Variants in ABCC9 observed in about 807,000 individuals in gnomAD.
The protein encoded by ABCC9 is ATP binding cassette subfamily C member 9.
In ABCC9, 95 loss-of-function variants were observed where a neutral mutation model predicts 188.3. The observed-to-expected ratio is 0.50, with a 90% CI of 0.43 to 0.60. The LOEUF (loss-of-function observed/expected upper bound fraction) is 0.60, where lower values mean the gene tolerates loss of function less well. ABCC9 is among the 20% of genes least tolerant of loss of function. The pLI is 0.00. For synonymous variants in ABCC9, 659 were observed against 652.7 expected (o/e 1.01, Z -0.15); for missense variants, 1,102 against 1,876.3 (o/e 0.59, Z 7.62).
At chr12:21,833,098 A>G (rs1271861629) in intron 30 of ABCC9, among the ~76,000 whole-genome samples, 4 of 152,130 alleles carry the variant, frequency 2.6e-5, no homozygotes, top group African/African-American at 7.2e-5. Context: ...TAAGAATGAT[A>G]TGATAGACTC....
At chr12:21,920,655 C>A (rs1948777369) in intron 5 of ABCC9, among the ~76,000 whole-genome samples, 1 of 151,898 alleles carries the variant, frequency 6.6e-6, no homozygotes, top group South Asian at 2.1e-4. Context: ...AATACTAGGT[C>A]TTATTCATTT....
intron 14 of ABCC9, among the ~76,000 whole-genome samples, chr12:21,889,384 T>A (rs1321348785): frequency 6.6e-6 from 1 of 152,212 alleles, no homozygotes; most frequent in Non-Finnish European, 1.5e-5. Context: ...CTTCTTCACT[T>A]TTACAGATTG....
intron 4 of ABCC9, among the ~76,000 whole-genome samples, chr12:21,926,622 G>A (rs138593493): frequency 3.2e-4 from 49 of 152,262 alleles, no homozygotes; most frequent in African/African-American, 1.1e-3. Context: ...ACAGCTGAAG[G>A]GACAGTGTGA....
In ABCC9 at chr12:21,817,158, A is replaced by G. The variant is rs569213657; in HGVS notation, c.3892+29T>C. ...AATATTTGTTTAAAATAAATATTTA[A>G]GTGAGACAAACAATATTTAGAGCAA... is the stretch of plus-strand genomic sequence containing the variant. On this transcript the variant is annotated intron_variant, in intron 33 of 39. Coordinates refer to ENST00000261200, the MANE Select transcript of ABCC9 (RefSeq NM_020297.4). 6 of 1,607,616 alleles carry G rather than the reference A, an allele frequency of 3.7e-6. No individual in the cohort carries two copies. The South Asian group carries it at 4.4e-5, about 12-fold the overall frequency.
intron 39 of ABCC9, chr12:21,805,082 T>A: frequency 3.8e-6 from 6 of 1,580,618 alleles, no homozygotes. Flanking sequence ...AGCCCTTCCC[T>A]TTATTCACAG....
At chr12:21,911,439 G>T (rs979487857) in intron 8 of ABCC9, among the ~76,000 whole-genome samples, 3 of 151,776 alleles carry the variant, frequency 2.0e-5, no homozygotes, top group Non-Finnish European at 4.4e-5. Context: ...ATGCTAATAA[G>T]ATAAATAATA....
At chr12:21,859,363 C>T (rs1333313448) in intron 22 of ABCC9, among the ~76,000 whole-genome samples, 2 of 152,140 alleles carry the variant, frequency 1.3e-5, no homozygotes. Context: ...CTTAGGGCAT[C>T]TAAGTCTCTT....
rs1942484480 is a variant in ABCC9 at position 21,814,650 on chromosome 12, A to C, written c.4096T>G (p.Phe1366Val). The C allele has an allele frequency of 6.2e-7, 1 of 1,613,904 alleles. No individual in the cohort carries two copies. Among genetic ancestry groups the C allele is most frequent in the Admixed American group, 1.7e-5 (1 of 59,978 alleles). ...AATTTAGTTAGCAACTCACCATCAA[A>C]TATATCAACCATTCTGAAGAAAGCC... is the stretch of plus-strand genomic sequence containing the variant. ...SLAFFRMVDI[F>V]DGKIVIDGID... Residue 1366 changes from phenylalanine to valine, a missense_variant, in exon 35 of 40, where the codon TTT becomes GTT. Physicochemically the swap from Phe to Val is conservative, Grantham distance 50 (BLOSUM62 -1). Transcript: ENST00000261200.
At chr12:21,816,442 G>A (rs1405854288) in intron 33 of ABCC9, among the ~76,000 whole-genome samples, 2 of 152,104 alleles carry the variant, frequency 1.3e-5, no homozygotes, top group African/African-American at 4.8e-5. Flanking sequence ...TGGGAGCATG[G>A]ATGGTGCTAA....
At chr12:21,849,979 T>G (rs574367685) in intron 24 of ABCC9, among the ~76,000 whole-genome samples, 2 of 152,162 alleles carry the variant, frequency 1.3e-5, no homozygotes, top group East Asian at 3.9e-4. Flanking sequence ...ACAGCTCTTT[T>G]TCAAGCACTG....
At chr12:21,915,514 A>ATATATAT in intron 7 of ABCC9, among the ~76,000 whole-genome samples, 154 bp downstream of exon 7, 1 of 3,522 alleles carries the variant, frequency 2.8e-4, no homozygotes, top group Non-Finnish European at 4.7e-4. Context: ...ATATATATAT[A>ATATATAT]TTTTTTTTTT....
chr12:21,915,297 T>C (rs1948511660), intron 7 of ABCC9, among the ~76,000 whole-genome samples: 2 of 124,114 alleles, frequency 1.6e-5, no homozygotes, highest in African/African-American at 3.0e-5. Context: ...TATATATACA[T>C]GTGTATATAT....
intron 5 of ABCC9, among the ~76,000 whole-genome samples, chr12:21,920,576 T>C (rs1322147758): frequency 6.6e-6 from 1 of 152,082 alleles, no homozygotes; most frequent in African/African-American, 2.4e-5. Context: ...AATCCAATTG[T>C]ACTCTTTAAT....
At chr12:21,829,192 T>C (rs12824272) in intron 30 of ABCC9, 132 bp from the exon 31 acceptor site, 2 of 149,702 alleles carry the variant, frequency 1.3e-5, no homozygotes, top group African/African-American at 7.5e-5. Flanking sequence ...AATAGATTTC[T>C]TTTTTTTTTT....
intron 4 of ABCC9, among the ~76,000 whole-genome samples, chr12:21,931,470 AC>A (rs941664937): frequency 6.6e-6 from 1 of 152,060 alleles, no homozygotes; most frequent in African/African-American, 2.4e-5. Context: ...AGAAGTCTAT[AC>A]CTAAAGAGTA....
chr12:21,910,020 C>T, intron 10 of ABCC9, 137 bp downstream of exon 10: 1 of 833,954 alleles, frequency 1.2e-6, no homozygotes, highest in Admixed American at 2.4e-5. Context: ...TTCTGAGTCC[C>T]AGCTTCCTTT....
At chr12:21,803,656 CAAAA>C (rs3061809) in intron 39 of ABCC9, among the ~76,000 whole-genome samples, 26 of 84,610 alleles carry the variant, frequency 3.1e-4, no homozygotes, top group South Asian at 9.8e-4. Flanking sequence ...ACTCTGTCTC[CAAAA>C]AAAAAAAAAA....
At chr12:21,923,791 A>C (rs1043044569) in intron 5 of ABCC9, 4 of 698,230 alleles carry the variant, frequency 5.7e-6, no homozygotes, top group Non-Finnish European at 1.0e-5. Context: ...AGGAGAAATA[A>C]ATGCATATAG....
intron 34 of ABCC9, 129 bp downstream of exon 34, chr12:21,815,634 A>G (rs956864206): frequency 2.6e-6 from 3 of 1,134,990 alleles, no homozygotes; most frequent in African/African-American, 1.5e-5. Flanking sequence ...TTTTATGCAG[A>G]TAATTTGACC....
Sources: allele counts gnomAD v4.1 joint callset (sites outside exome capture counted in the v4.1 genomes callset), GRCh38; gene constraint gnomAD v4.1.1; transcripts MANE v1.5; gene names NCBI Gene and HGNC (gene_info 2026-07-23, HGNC 2026-07-21).